Variants in SMOC2 observed in about 807,000 individuals in gnomAD.
The protein encoded by SMOC2 is SPARC-related modular calcium-binding protein 2.
In SMOC2, 39 loss-of-function variants were observed where a neutral mutation model predicts 61.4. The ratio of observed to expected loss-of-function variants is 0.64; its 90% CI spans 0.49 to 0.83. The LOEUF (loss-of-function observed/expected upper bound fraction) is 0.83. Among genes scored for constraint, SMOC2 ranks in the 40% least tolerant of loss-of-function variants. The pLI is 0.00. For synonymous variants in SMOC2, 247 were observed against 239.9 expected (o/e 1.03, Z -0.27); for missense variants, 556 against 592.9 (o/e 0.94, Z 0.65).
At chr6:168,526,595 T>C (rs368773053) in intron 3 of SMOC2, 143 bp downstream of exon 3, 7 of 647,000 alleles carry the variant, frequency 1.1e-5, no homozygotes, top group East Asian at 2.7e-5. Flanking sequence ...TTCTGCATTT[T>C]AGAAGTTAAT....
intron 11 of SMOC2, among the ~76,000 whole-genome samples, chr6:168,663,631 C>G (rs1393862218): frequency 6.6e-6 from 1 of 152,116 alleles, no homozygotes; most frequent in Non-Finnish European, 1.5e-5. Context: ...TGATCCAGTA[C>G]TCATAATTTG....
chr6:168,613,395 C>T (rs777290393), intron 9 of SMOC2, among the ~76,000 whole-genome samples: 5 of 152,164 alleles, frequency 3.3e-5, no homozygotes, highest in Admixed American at 6.5e-5. Context: ...CTTGGGGAGC[C>T]TGGGCATGGC....
intron 1 of SMOC2, among the ~76,000 whole-genome samples, chr6:168,509,659 T>C (rs1782959607): frequency 6.6e-6 from 1 of 152,218 alleles, no homozygotes; most frequent in African/African-American, 2.4e-5. Flanking sequence ...CAAAGATCAA[T>C]GATTCACATG....
chr6:168,597,797 A>C (rs1785369687), intron 7 of SMOC2, among the ~76,000 whole-genome samples: 1 of 152,210 alleles, frequency 6.6e-6, no homozygotes, highest in Non-Finnish European at 1.5e-5. Context: ...ACAACAGGTC[A>C]CATGGTCTTT....
chr6:168,611,701 G>A (rs1189597463), intron 9 of SMOC2, among the ~76,000 whole-genome samples: 5 of 149,560 alleles, frequency 3.3e-5, no homozygotes, highest in East Asian at 2.0e-4. Context: ...TCCCATGTCC[G>A]GGACCCACCG....
chr6:168,546,023 G>A (rs1455782524), intron 5 of SMOC2, among the ~76,000 whole-genome samples: 5 of 151,934 alleles, frequency 3.3e-5, no homozygotes, highest in Non-Finnish European at 2.9e-5. Flanking sequence ...TCAGTATTTT[G>A]ATAGCTAGCA....
In SMOC2 at chr6:168,535,034, A is replaced by T. The variant is rs796555983; in HGVS notation, c.463+7307A>T. 7.9e-5 allele frequency among the ~76,000 whole-genome samples: 12 copies of T among 152,222 alleles called. 1 individual carries two copies. The highest frequency in any genetic ancestry group is 2.9e-4 in the African/African-American group (12 of 41,548). On this transcript the variant is annotated intron_variant, in intron 4 of 12. Coordinates refer to ENST00000356284, the MANE Select transcript of SMOC2 (RefSeq NM_001166412.2). The surrounding 1 kb of genome is among the most constrained non-coding windows in gnomAD (Gnocchi z 4.6). ...CGCCCAGGCTGGAGTGCAGTGGCAC[A>T]ATCTCGGCTCACTGCAACCTCCGCC...
chr6:168,581,511 G>T (rs571406309), intron 7 of SMOC2, among the ~76,000 whole-genome samples: 1 of 152,210 alleles, frequency 6.6e-6, no homozygotes, highest in African/African-American at 2.4e-5. Flanking sequence ...TTTGAGAATC[G>T]CTGCCCTAGT....
chr6:168,608,938 TTG>T (rs2115205082), intron 9 of SMOC2, among the ~76,000 whole-genome samples: 1 of 152,356 alleles, frequency 6.6e-6, no homozygotes, highest in Admixed American at 6.5e-5. Flanking sequence ...GTGCTTGATC[TTG>T]TCTCATACAG....
At chr6:168,612,970 C>T (rs1364543417) in intron 9 of SMOC2, among the ~76,000 whole-genome samples, 2 of 152,146 alleles carry the variant, frequency 1.3e-5, no homozygotes, top group Non-Finnish European at 2.9e-5. Context: ...TGCAGGGTTT[C>T]CTCTCACCTT....
At chr6:168,461,269 C>G (rs1781713874) in intron 1 of SMOC2, among the ~76,000 whole-genome samples, 1 of 152,116 alleles carries the variant, frequency 6.6e-6, no homozygotes, top group African/African-American at 2.4e-5. Context: ...CTCCATGATT[C>G]AATCATCTCC....
intron 1 of SMOC2, among the ~76,000 whole-genome samples, chr6:168,442,550 C>T (rs953776176): frequency 2.2e-4 from 34 of 152,222 alleles, no homozygotes; most frequent in African/African-American, 6.5e-4. Flanking sequence ...TGAGAAAACA[C>T]GAAGGTAGTG....
At chr6:168,582,301 C>T (rs999473102) in intron 7 of SMOC2, among the ~76,000 whole-genome samples, 2 of 152,148 alleles carry the variant, frequency 1.3e-5, no homozygotes, top group African/African-American at 4.8e-5. Flanking sequence ...TCAGGCAATC[C>T]TGCTAACAGC....
At position 168,512,153 on chromosome 6, in the gene SMOC2, G is replaced by C. The variant is rs569196837; in HGVS notation, c.256+2067G>C. On this transcript the variant is annotated intron_variant, in intron 2 of 12. Coordinates refer to ENST00000356284, the MANE Select transcript of SMOC2 (RefSeq NM_001166412.2). ...CCTCTGAGGACCGACAGGAGGGCCC[G>C]AGAGGGAAGTAGGTGGAGCCGGGCT... is the stretch of plus-strand genomic sequence containing the variant. Among the ~76,000 whole-genome samples the C allele has an allele frequency of 7.9e-5, 12 of 152,288 alleles. No homozygotes were observed. In the East Asian group the frequency reaches 1.9e-3, roughly 25 times the overall value.
chr6:168,482,510 T>A lies in SMOC2; in HGVS notation c.85-27405T>A, dbSNP rs112435124. On this transcript the variant is annotated intron_variant, in intron 1 of 12. Coordinates refer to ENST00000356284, the MANE Select transcript of SMOC2 (RefSeq NM_001166412.2). ...ACTTTAAGAAATGAATGCTAATCCT[T>A]CTTGAATGATTTAAGAAGAGGGAAC... is the stretch of plus-strand genomic sequence containing the variant. 3.6e-3 allele frequency among the ~76,000 whole-genome samples: 554 copies of A among 152,198 alleles called. 2 individuals carry two copies. Among genetic ancestry groups the A allele is most frequent in the African/African-American group, 0.013 (535 of 41,570 alleles).
chr6:168,546,871 G>A (rs149439910), intron 5 of SMOC2, among the ~76,000 whole-genome samples: 1 of 152,236 alleles, frequency 6.6e-6, no homozygotes, highest in African/African-American at 2.4e-5. Context: ...AGAACTGATC[G>A]GATATTTTCC....
chr6:168,511,268 G>A (rs1194144912), intron 2 of SMOC2, among the ~76,000 whole-genome samples: 1 of 152,174 alleles, frequency 6.6e-6, no homozygotes, highest in African/African-American at 2.4e-5. Flanking sequence ...ACATTTATAA[G>A]GAAAGGTGTT....
intron 9 of SMOC2, among the ~76,000 whole-genome samples, chr6:168,614,372 A>G (rs1177872932): frequency 1.1e-5 from 1 of 92,850 alleles, no homozygotes; most frequent in Non-Finnish European, 2.1e-5. Context: ...CAGCCAGCAC[A>G]GGGCCTCTTC....
At chr6:168,509,602 T>G (rs1184815831) in intron 1 of SMOC2, among the ~76,000 whole-genome samples, 1 of 152,136 alleles carries the variant, frequency 6.6e-6, no homozygotes, top group African/African-American at 2.4e-5. Context: ...AGGAAAACAT[T>G]GCTACTCAGA....
Sources: gnomAD v4.1 joint callset for allele counts (sites outside exome capture counted in the v4.1 genomes callset) on GRCh38, gnomAD v4.1.1 for gene constraint, Gnocchi (gnomAD v3.1) non-coding constraint, MANE v1.5 for transcripts, NCBI Gene and HGNC (gene_info 2026-07-23, HGNC 2026-07-21) for gene names.